CDH13: variants seen among roughly 807,000 people sequenced by gnomAD.
CDH13 encodes the protein cadherin-13.
Under a neutral mutation model 63.8 loss-of-function variants are expected in CDH13, and 24 were observed. The ratio of observed to expected loss-of-function variants is 0.38; its 90% CI spans 0.27 to 0.53. CDH13 has a LOEUF of 0.53. Among genes scored for constraint, CDH13 ranks in the 20% least tolerant of loss-of-function variants. CDH13 has a pLI of 0.85. For synonymous variants in CDH13, 503 were observed against 355.3 expected (o/e 1.42, Z -4.67); for missense variants, 1,049 against 903.1 (o/e 1.16, Z -2.07).
At chr16:83,268,616 A>G (rs920849468) in intron 5 of CDH13, among the ~76,000 whole-genome samples, 1 of 152,362 alleles carries the variant, frequency 6.6e-6, no homozygotes, top group East Asian at 1.9e-4. Context: ...CACAAGTGAC[A>G]TGAAGTGAAA....
chr16:82,985,313 G>C (rs749135954), intron 2 of CDH13, among the ~76,000 whole-genome samples: 3 of 152,100 alleles, frequency 2.0e-5, no homozygotes, highest in Non-Finnish European at 4.4e-5. Context: ...AGAAATTAGA[G>C]GGCTGATTCA....
At position 82,860,386 on chromosome 16, in the gene CDH13, T is replaced by C. The variant is rs113119971; in HGVS notation, c.157+1913T>C. ...GCAGTATCACAGTTGTGTGTGTGTG[T>C]GTGGGGGGGGGGGCGGCGGTGTGCG... is the stretch of plus-strand genomic sequence containing the variant. On this transcript the variant is annotated intron_variant, in intron 2 of 13. Coordinates refer to ENST00000567109, the MANE Select transcript of CDH13 (RefSeq NM_001257.5). 9.6e-5 allele frequency among the ~76,000 whole-genome samples: 3 copies of C among 31,260 alleles called. No individual in the cohort carries two copies. In the East Asian group the frequency reaches 0.012, roughly 121 times the overall value. The allele number at this position is 31,260 out of a possible 152,430, so 20.5% of individuals were successfully genotyped here. A position where few individuals can be genotyped will look rare whatever the true frequency, so the allele number is the denominator to read the frequency against.
intron 4 of CDH13, among the ~76,000 whole-genome samples, chr16:83,175,898 G>A (rs921947669): frequency 1.4e-5 from 2 of 139,662 alleles, no homozygotes; most frequent in Non-Finnish European, 3.0e-5. Context: ...GCGCGATCTC[G>A]GCTCACCGCA....
At chr16:83,209,721 C>A (rs1484448766) in intron 4 of CDH13, among the ~76,000 whole-genome samples, 1 of 152,244 alleles carries the variant, frequency 6.6e-6, no homozygotes, top group East Asian at 1.9e-4. Context: ...GTTACCACCA[C>A]CCACCAAGAG....
intron 13 of CDH13, among the ~76,000 whole-genome samples, chr16:83,792,252 T>A (rs1273525269): frequency 6.6e-6 from 1 of 152,242 alleles, no homozygotes; most frequent in Non-Finnish European, 1.5e-5. Flanking sequence ...ACAATGACAG[T>A]TGATCCTTGG....
chr16:83,616,775 T>A (rs976769314), intron 8 of CDH13, among the ~76,000 whole-genome samples: 2 of 152,168 alleles, frequency 1.3e-5, no homozygotes, highest in Admixed American at 1.3e-4. Flanking sequence ...CATTTTGTAC[T>A]GAACAATTTT....
intron 4 of CDH13, among the ~76,000 whole-genome samples, chr16:83,137,647 C>T (rs545272924): frequency 1.1e-3 from 169 of 152,220 alleles, no homozygotes; most frequent in African/African-American, 4.0e-3. Flanking sequence ...AAGCCAACTT[C>T]GGTGTAATTA....
At chr16:83,660,461 C>T (rs1296454341) in intron 8 of CDH13, among the ~76,000 whole-genome samples, 1 of 152,110 alleles carries the variant, frequency 6.6e-6, no homozygotes, top group African/African-American at 2.4e-5. Context: ...GGAGGTGGAG[C>T]TCAGGTGGTA....
At chr16:83,460,983 ACACACACACACG>A (rs930483049) in intron 6 of CDH13, among the ~76,000 whole-genome samples, 8 of 34,378 alleles carry the variant, frequency 2.3e-4, no homozygotes, top group African/African-American at 8.2e-4. Flanking sequence ...TTGTCTCAAA[ACACACACACACG>A]CACACACACA....
intron 13 of CDH13, among the ~76,000 whole-genome samples, chr16:83,794,626 C>CAT (rs34550866): frequency 0.19 from 28,139 of 148,962 alleles, 2,673 homozygotes; most frequent in South Asian, 0.23. Context: ...CTTAAGTCAA[C>CAT]ATATATATAT....
At chr16:83,582,139 A>G (rs138792099) in intron 7 of CDH13, among the ~76,000 whole-genome samples, 30 of 152,342 alleles carry the variant, frequency 2.0e-4, no homozygotes, top group Non-Finnish European at 3.2e-4. Context: ...GAAAAAGAGT[A>G]GCAGGGTCCC....
At chr16:83,336,689 T>A (rs2090605443) in intron 5 of CDH13, among the ~76,000 whole-genome samples, 1 of 152,230 alleles carries the variant, frequency 6.6e-6, no homozygotes, top group Admixed American at 6.5e-5. Context: ...TTGCATATTT[T>A]GCCCAAAGAA....
intron 6 of CDH13, among the ~76,000 whole-genome samples, chr16:83,444,866 G>A (rs958402339): frequency 4.5e-3 from 1 of 220 alleles, no homozygotes; most frequent in African/African-American, 5.5e-3. Context: ...CAGCAAATCA[G>A]CGCTTTCCTC....
intron 8 of CDH13, among the ~76,000 whole-genome samples, chr16:83,667,986 C>T (rs1031431155): frequency 6.6e-6 from 1 of 152,096 alleles, no homozygotes; most frequent in Admixed American, 6.6e-5. Flanking sequence ...TTTTAAAGCA[C>T]ATTACTCTAT....
chr16:82,949,659 C>G (rs1278140843), intron 2 of CDH13, among the ~76,000 whole-genome samples: 1 of 152,150 alleles, frequency 6.6e-6, no homozygotes, highest in African/African-American at 2.4e-5. Context: ...GCCATTTGTG[C>G]TAGCAACAGT....
intron 2 of CDH13, among the ~76,000 whole-genome samples, chr16:82,971,858 G>T (rs1170695364): frequency 6.6e-6 from 1 of 152,136 alleles, no homozygotes; most frequent in Non-Finnish European, 1.5e-5. Context: ...TTGAATCCCA[G>T]ACTTGCAGGG....
intron 11 of CDH13, among the ~76,000 whole-genome samples, chr16:83,776,769 C>A (rs1437221685): frequency 1.3e-5 from 2 of 152,170 alleles, no homozygotes; most frequent in Non-Finnish European, 2.9e-5. Flanking sequence ...TCATTGACTC[C>A]TCTTCCAATT....
chr16:83,448,198 A>G (rs1275916058), intron 6 of CDH13, among the ~76,000 whole-genome samples: 1 of 152,110 alleles, frequency 6.6e-6, no homozygotes. Context: ...ATCTGAGTCT[A>G]GCTATCTGGA....
chr16:82,668,791 G>C (rs895601943), intron 1 of CDH13, among the ~76,000 whole-genome samples: 1 of 152,190 alleles, frequency 6.6e-6, no homozygotes, highest in Non-Finnish European at 1.5e-5. Context: ...GAGTACCTGG[G>C]ACAGAACAGG....
Sources: gnomAD v4.1 joint callset for allele counts (sites outside exome capture counted in the v4.1 genomes callset) on GRCh38, gnomAD v4.1.1 for gene constraint, MANE v1.5 for transcripts, NCBI Gene and HGNC (gene_info 2026-07-23, HGNC 2026-07-21) for gene names.